TAPT1: variants seen among roughly 807,000 people sequenced by gnomAD.
TAPT1 encodes transmembrane anterior posterior transformation protein 1 homolog.
In TAPT1, 28 loss-of-function variants were observed where a neutral mutation model predicts 65.6. The observed-to-expected ratio is 0.43, with a 90% CI of 0.32 to 0.59. TAPT1 has a LOEUF of 0.59. TAPT1 is among the 20% of genes least tolerant of loss of function. The pLI, the probability that TAPT1 is intolerant of heterozygous loss-of-function variation, is 0.09. For missense variants in TAPT1, 563 were observed against 679.9 expected (o/e 0.83, Z 1.91); for synonymous variants, 278 against 245.2 (o/e 1.13, Z -1.25).
At chr4:16,216,178 C>T (rs1356580297) in intron 1 of TAPT1, 1 of 152,234 alleles carries the variant, frequency 6.6e-6, no homozygotes. Context: ...CAGTGGTGCT[C>T]TTCTGTCTTG....
At chr4:16,214,857 C>A (rs1446107415) in intron 1 of TAPT1, among the ~76,000 whole-genome samples, 2 of 152,148 alleles carry the variant, frequency 1.3e-5, no homozygotes, top group African/African-American at 4.8e-5. Flanking sequence ...TCCTTTCTAC[C>A]AAATGTGGTC....
At chr4:16,201,660 T>A (rs1750039463) in intron 3 of TAPT1, among the ~76,000 whole-genome samples, 1 of 152,228 alleles carries the variant, frequency 6.6e-6, no homozygotes, top group Admixed American at 6.5e-5. Flanking sequence ...TCATGTAAGC[T>A]TAACATCTTC....
chr4:16,217,877 T>TAA (rs1184043361), intron 1 of TAPT1, among the ~76,000 whole-genome samples: 1 of 152,154 alleles, frequency 6.6e-6, no homozygotes, highest in Non-Finnish European at 1.5e-5. Flanking sequence ...TAAGTGACTG[T>TAA]AAAGGTAACC....
At chr4:16,176,477 C>G (rs566590819) in intron 8 of TAPT1, 47 of 242,940 alleles carry the variant, frequency 1.9e-4, no homozygotes, top group Non-Finnish European at 3.4e-4. Context: ...TTTTGGATCA[C>G]CTGAGATCAG....
At position 16,217,449 on chromosome 4, in the gene TAPT1, C is replaced by T. The variant is rs984122435; in HGVS notation, c.200-3551G>A. Among the ~76,000 whole-genome samples the T allele has an allele frequency of 5.3e-5, 8 of 152,276 alleles. No homozygotes were observed. In the South Asian group the frequency reaches 1.7e-3, roughly 32 times the overall value. On this transcript the variant is annotated intron_variant, in intron 1 of 13. Transcript: ENST00000405303. The stretch of plus-strand genomic sequence containing the variant: ...TAAAACGGAGTGGCCAAATTAGTCT[C>T]TTTAGGAGTCAGGCAGCAAAGAACA...
chr4:16,184,735 T>C (rs1292943537), intron 7 of TAPT1, among the ~76,000 whole-genome samples: 1 of 152,224 alleles, frequency 6.6e-6, no homozygotes, highest in Admixed American at 6.5e-5. Context: ...GAGCAGCTTT[T>C]CATGACCTTA....
At chr4:16,169,396 G>A (rs180962307) in intron 12 of TAPT1, among the ~76,000 whole-genome samples, 4 of 152,186 alleles carry the variant, frequency 2.6e-5, no homozygotes, top group African/African-American at 9.7e-5. Context: ...TTCCCATTGA[G>A]ATTACAGCAA....
At chr4:16,179,551 A>G in intron 8 of TAPT1, 26 bp downstream of exon 8, 1 of 1,371,428 alleles carries the variant, frequency 7.3e-7, no homozygotes, top group Middle Eastern at 1.8e-4. Context: ...AAATTATAAG[A>G]CACTGTTTTG....
chr4:16,215,706 C>T (rs1175149172), intron 1 of TAPT1, among the ~76,000 whole-genome samples: 4 of 152,118 alleles, frequency 2.6e-5, no homozygotes, highest in East Asian at 1.9e-4. Context: ...GTTAAGTGCA[C>T]GCAATATGTA....
intron 1 of TAPT1, chr4:16,226,057 G>T: frequency 9.9e-7 from 1 of 1,014,230 alleles, no homozygotes; most frequent in Non-Finnish European, 1.2e-6. Flanking sequence ...CCTCGGGGCT[G>T]CGCGCGCAAC....
In TAPT1 at chr4:16,206,245, T is replaced by C. The variant is rs537079228; in HGVS notation, c.331-3665A>G. The stretch of plus-strand genomic sequence containing the variant: ...CAAGCTATGTAAGCATATGCAGCCA[T>C]GGAAAACAAGTCAATTGATTTTAAT... On this transcript the variant is annotated intron_variant, in intron 2 of 13. Coordinates refer to ENST00000405303, the MANE Select transcript of TAPT1 (RefSeq NM_153365.3). Among the ~76,000 whole-genome samples the C allele has an allele frequency of 3.9e-4, 59 of 152,356 alleles. No individual in the cohort carries two copies. In the South Asian group the frequency reaches 8.3e-3, roughly 21 times the overall value.
chr4:16,185,108 G>A lies in TAPT1; in HGVS notation c.916+1427C>T, dbSNP rs759967467. On this transcript the variant is annotated intron_variant, in intron 7 of 13. Coordinates refer to ENST00000405303, the MANE Select transcript of TAPT1 (RefSeq NM_153365.3). The stretch of plus-strand genomic sequence containing the variant: ...TATAACTTTAGCATTTATGTTTAGG[G>A]TTATGAACCACTATGAATTAATTTT... 8.5e-4 allele frequency among the ~76,000 whole-genome samples: 129 copies of A among 151,552 alleles called. 1 individual carries two copies. Among genetic ancestry groups the A allele is most frequent in the Non-Finnish European group, 1.6e-3 (106 of 67,888 alleles).
At chr4:16,214,964 AAGCCTAC>A (rs1426135106) in intron 1 of TAPT1, among the ~76,000 whole-genome samples, 2 of 152,086 alleles carry the variant, frequency 1.3e-5, no homozygotes, top group African/African-American at 2.4e-5. Flanking sequence ...CTATGATCTA[AAGCCTAC>A]ATGTGAGGGG....
intron 12 of TAPT1, 198 bp from the exon 13 acceptor site, chr4:16,166,991 CTTTTTT>C (rs5856341): frequency 2.9e-4 from 46 of 160,610 alleles, no homozygotes; most frequent in East Asian, 6.0e-4. Context: ...CCTTAGTTCT[CTTTTTT>C]TTTTTTTTTT....
At chr4:16,215,629 G>A (rs1241431558) in intron 1 of TAPT1, among the ~76,000 whole-genome samples, 1 of 152,174 alleles carries the variant, frequency 6.6e-6, no homozygotes, top group Non-Finnish European at 1.5e-5. Flanking sequence ...CACGCAACAG[G>A]AGGCGGAATC....
chr4:16,168,837 T>C (rs1236477126), intron 12 of TAPT1, among the ~76,000 whole-genome samples: 3 of 152,236 alleles, frequency 2.0e-5, no homozygotes, highest in East Asian at 3.8e-4. Flanking sequence ...TAAGCAGCTA[T>C]TCCCTGAGGG....
At chr4:16,203,131 G>C (rs1056344391) in intron 2 of TAPT1, among the ~76,000 whole-genome samples, 2 of 151,906 alleles carry the variant, frequency 1.3e-5, no homozygotes, top group Non-Finnish European at 2.9e-5. Flanking sequence ...TTCTTTTTGT[G>C]GTATCATTAG....
At position 16,174,659 on chromosome 4, in the gene TAPT1, T is replaced by G; in HGVS notation, c.1167+11A>C. 3 of 1,585,172 alleles carry G rather than the reference T, an allele frequency of 1.9e-6. No individual in the cohort carries two copies. The highest frequency in any genetic ancestry group is 2.6e-6 in the Non-Finnish European group (3 of 1,164,626). On this transcript the variant is annotated intron_variant, in intron 10 of 13. Transcript: ENST00000405303. ...TGTTAATTTCAGACTACGCCCTTGA[T>G]AAATGCTCACATTTTTCTGTCGGCT...
chr4:16,167,511 C>G (rs561235241), intron 12 of TAPT1, among the ~76,000 whole-genome samples: 69 of 152,204 alleles, frequency 4.5e-4, no homozygotes, highest in Non-Finnish European at 7.4e-4. Context: ...TCTATTTGTA[C>G]TTTCTTGCTG....
Sources: gnomAD v4.1 joint callset for allele counts (sites outside exome capture counted in the v4.1 genomes callset) on GRCh38, gnomAD v4.1.1 for gene constraint, MANE v1.5 for transcripts, NCBI Gene and HGNC (gene_info 2026-07-23, HGNC 2026-07-21) for gene names.